The following EHBP1L1 variants were observed in gnomAD, a reference collection of about 807,000 sequenced individuals.
The protein encoded by EHBP1L1 is EH domain-binding protein 1-like protein 1.
A neutral mutation model predicts 151.1 loss-of-function variants in EHBP1L1; 122 were observed. That is an observed-to-expected ratio of 0.81 (90% confidence interval 0.70 to 0.94). The LOEUF (loss-of-function observed/expected upper bound fraction) is 0.94, where lower values mean the gene tolerates loss of function less well. Ranked by LOEUF, EHBP1L1 falls within the 40% of genes least tolerant of loss-of-function variation. EHBP1L1 has a pLI of 0.00. For missense variants in EHBP1L1, 1,941 were observed against 1,959.8 expected, an observed-to-expected ratio of 0.99 and a Z score of 0.18; for synonymous variants, 878 against 810.1, an observed-to-expected ratio of 1.08 and a Z score of -1.42.
chr11:65,592,350 C>T lies in EHBP1L1; in HGVS notation c.*48C>T. Reference sequence around the variant, plus strand: ...TAACTTCTCGCGTCCCCGGCGTCCGCCGCCGCCCCGGGCCTGCGCTGCGGA... The same window carrying T: ...TAACTTCTCGCGTCCCCGGCGTCCGTCGCCGCCCCGGGCCTGCGCTGCGGA... On this transcript the variant is annotated 3_prime_UTR_variant, in exon 19 of 19. Coordinates refer to ENST00000309295, the MANE Select transcript of EHBP1L1 (RefSeq NM_001099409.3). 1 of 1,312,130 alleles carries T rather than the reference C, an allele frequency of 7.6e-7. No homozygotes were observed. The highest frequency in any genetic ancestry group is 9.7e-7 in the Non-Finnish European group (1 of 1,030,890). 81.3% of individuals were successfully genotyped at this position (1,312,130 alleles called of 1,614,324 possible).
At position 65,582,093 on chromosome 11, in the gene EHBP1L1, C is replaced by T. The variant is rs1273810047; in HGVS notation, c.1421C>T (p.Ala474Val). The change falls in exon 9 of 19, where the codon GCT becomes GTT. Residue 474 changes from alanine to valine, a missense_variant. Transcript: ENST00000309295. Reference protein sequence around the residue: ...GRLGVRTRDEAPSGLSLPPAE... With the variant: ...GRLGVRTRDEVPSGLSLPPAE... ...CTGGGAGTCAGGACCAGGGATGAGG[C>T]TCCCTCAGGCCTGAGCCTGCCCCCA... 3 of 1,608,680 alleles carry T rather than the reference C, an allele frequency of 1.9e-6. No individual in the cohort carries two copies. The East Asian group carries it at 6.7e-5, about 36-fold the overall frequency.
rs1857812352 is a variant in EHBP1L1, at chr11:65,584,311, G to A, written c.3164G>A (p.Arg1055His). ...TGCCAGGAAGTCACCACTGGCTACC[G>A]TGGCGTCCGCATCACCAACTTCACC... Reference protein sequence around the residue: ...EWCQEVTTGYRGVRITNFTTS... With the variant: ...EWCQEVTTGYHGVRITNFTTS... Residue 1055 changes from arginine to histidine, a missense_variant, in exon 10 of 19, where the codon CGT (arginine) becomes CAT (histidine). Arg to His is a conservative substitution (Grantham distance 29). Transcript: ENST00000309295. The A allele has an allele frequency of 3.1e-6, 5 of 1,611,456 alleles. No homozygotes were observed. The East Asian group carries it at 8.9e-5, about 29-fold the overall frequency.
At chr11:65,584,815 A>G in intron 11 of EHBP1L1, 144 bp from the exon 12 acceptor site, 1 of 1,187,008 alleles carries the variant, frequency 8.4e-7, no homozygotes. Context: ...TTGTTGCTGG[A>G]TTTCCCTCGC....
intron 12 of EHBP1L1, among the ~76,000 whole-genome samples, chr11:65,589,380 A>T (rs1410575017): frequency 6.6e-6 from 1 of 152,120 alleles, no homozygotes. Flanking sequence ...CGACAGAGCG[A>T]ATCTCCATCT....
Position 65,581,074 on chromosome 11 carries a change from G to T in EHBP1L1, c.651G>T (p.Leu217=). Residue 217 remains leucine (L), a synonymous_variant, in exon 7 of 19, where the codon CTG becomes CTT. Transcript: ENST00000309295. ...CATTCCCAGATCCCTCTCGAGAGCT[G>T]AAGACGCTTTGTGAGGAGGAGGAGG... ...RVPQPDPSRE[L]KTLCEEEEEG... is the part of the protein sequence containing the mutation. The T allele has an allele frequency of 6.2e-7, 1 of 1,611,640 alleles. No individual in the cohort carries two copies. Among genetic ancestry groups the T allele is most frequent in the Non-Finnish European group, 8.5e-7 (1 of 1,179,050 alleles).
At position 65,581,539 on chromosome 11, in the gene EHBP1L1, G is replaced by A. The variant is rs765766005; in HGVS notation, c.867G>A (p.Arg289=). 1 of 1,491,962 alleles carries A rather than the reference G, an allele frequency of 6.7e-7. No homozygotes were observed. 92.4% of individuals were successfully genotyped at this position (1,491,962 alleles called of 1,614,324 possible). ...ACTCCCCCTCCTGCTCTCTTCTCAGGTCTTCAAGGCAGCCAGCCCAGGACA... is the reference window on the plus strand; with the variant it reads ...ACTCCCCCTCCTGCTCTCTTCTCAGATCTTCAAGGCAGCCAGCCCAGGACA... The part of the protein sequence containing the change: ...PRPPETSPEM[R]SSRQPAQDTA... The change falls in exon 9 of 19, where the codon AGG becomes AGA. Residue 289 remains arginine, a splice_region_variant and synonymous_variant. Coordinates refer to ENST00000309295, the MANE Select transcript of EHBP1L1 (RefSeq NM_001099409.3).
chr11:65,579,573 G>C (rs1857493711), intron 3 of EHBP1L1, 137 bp downstream of exon 3: 2 of 712,226 alleles, frequency 2.8e-6, no homozygotes, highest in Non-Finnish European at 2.2e-6. Flanking sequence ...AGGGGGGCCT[G>C]CTCAGCATCA....
intron 8 of EHBP1L1, 33 bp downstream of exon 8, chr11:65,581,406 C>A: frequency 6.7e-7 from 1 of 1,500,364 alleles, no homozygotes; most frequent in Non-Finnish European, 8.9e-7. Context: ...CCCCCCATTG[C>A]CCCCTGATAG....
chr11:65,584,566 A>G (rs1162822023), intron 11 of EHBP1L1, 32 bp downstream of exon 11: 5 of 1,602,892 alleles, frequency 3.1e-6, no homozygotes, highest in Non-Finnish European at 4.3e-6. Context: ...CCTGGAGGGA[A>G]GGAGGGTCTG....
chr11:65,587,263 C>T (rs1300361791), intron 12 of EHBP1L1, among the ~76,000 whole-genome samples: 3 of 152,024 alleles, frequency 2.0e-5, no homozygotes, highest in African/African-American at 7.3e-5. Flanking sequence ...GTCCCAGCTA[C>T]TCAGGAGGCT....
chr11:65,583,006 G>A lies in EHBP1L1; in HGVS notation c.2334G>A (p.Glu778=). ...AAEGAILGTQ[E]IASRDSGVPG... ...AAGGTGCGATATTGGGGACCCAAGA[G>A]ATAGCATCTAGGGATTCAGGGGTCC... Residue 778 remains glutamate, a synonymous_variant, in exon 9 of 19, where the codon GAG becomes GAA. Transcript: ENST00000309295. 6.2e-7 allele frequency: 1 copy of A among 1,613,122 alleles called. No individual in the cohort carries two copies. The highest frequency in any genetic ancestry group is 1.1e-5 in the South Asian group (1 of 91,058).
chr11:65,578,916 GGCCCCAGATAAGGGGCT>G (rs1368716134), intron 1 of EHBP1L1, among the ~76,000 whole-genome samples, 145 bp from the exon 2 acceptor site: 1 of 152,214 alleles, frequency 6.6e-6, no homozygotes, highest in East Asian at 1.9e-4. Flanking sequence ...TGCACCCTGT[GGCCCCAGATAAGGGGCT>G]GCCCAGGCCC....
At position 65,584,514 on chromosome 11, in the gene EHBP1L1, A is replaced by G; in HGVS notation, c.3280A>G (p.Ile1094Val). The change falls in exon 11 of 19, where the codon ATC (isoleucine) becomes GTC (valine). Residue 1094 changes from isoleucine (I) to valine (V), a missense_variant. Ile to Val is a conservative substitution (Grantham distance 29). Coordinates refer to ENST00000309295, the MANE Select transcript of EHBP1L1 (RefSeq NM_001099409.3). ...IDYASLDPLNIKQNNKQAFDG... is the reference protein window; with the variant it reads ...IDYASLDPLNVKQNNKQAFDG... ...CTATGCCTCGCTAGACCCACTCAACATCAAGCAGAACAACAAGCAGGTGAG... is the reference window on the plus strand; with the variant it reads ...CTATGCCTCGCTAGACCCACTCAACGTCAAGCAGAACAACAAGCAGGTGAG... The G allele has an allele frequency of 6.2e-7, 1 of 1,612,354 alleles. No homozygotes were observed. Among genetic ancestry groups the G allele is most frequent in the Non-Finnish European group, 8.5e-7 (1 of 1,179,466 alleles).
In EHBP1L1 at chr11:65,585,672, A is replaced by G. The variant is rs1301322879; in HGVS notation, c.3933+81A>G. On this transcript the variant is annotated intron_variant, in intron 12 of 18. Transcript: ENST00000309295. This position sits in a 1 kb window ranked among gnomAD's most constrained non-coding sequence, Gnocchi z 4.0. ...TGGGCAGAGAACGGGCGAGCCCCCA[A>G]GGGGCCCCAAGGACAGAGCTGGCGC... is the stretch of plus-strand genomic sequence containing the variant. 4 of 1,503,136 alleles carry G rather than the reference A, an allele frequency of 2.7e-6. No individual in the cohort carries two copies. The highest frequency in any genetic ancestry group is 1.2e-5 in the South Asian group (1 of 82,538). The allele number at this position is 1,503,136 out of a possible 1,614,324, so 93.1% of individuals were successfully genotyped here. A position where few individuals can be genotyped will look rare whatever the true frequency, so the allele number is the denominator to read the frequency against.
In EHBP1L1 at chr11:65,585,473, G is replaced by C; in HGVS notation, c.3815G>C (p.Gly1272Ala). ...PGSVPPPRAH[G>A]SFSHVRDADL... ...TCGGTGCCCCCGCCCCGCGCGCACG[G>C]CTCCTTCTCCCACGTGCGCGACGCG... The change falls in exon 12 of 19, where the codon GGC (glycine) becomes GCC (alanine). Residue 1272 changes from glycine (G) to alanine (A), a missense_variant. By Grantham distance (60) the Gly-to-Ala change is moderately conservative. Transcript: ENST00000309295. The surrounding 1 kb of genome is among the most constrained non-coding windows in gnomAD (Gnocchi z 4.0). 6.5e-7 allele frequency: 1 copy of C among 1,537,322 alleles called. No individual in the cohort carries two copies. Among genetic ancestry groups the C allele is most frequent in the Non-Finnish European group, 8.7e-7 (1 of 1,147,486 alleles).
intron 1 of EHBP1L1, among the ~76,000 whole-genome samples, chr11:65,576,655 G>A (rs1189546144): frequency 6.6e-6 from 1 of 152,196 alleles, no homozygotes. Context: ...GGTTCTGCCT[G>A]TGTCCACTCC....
At chr11:65,588,394 G>T (rs993418341) in intron 12 of EHBP1L1, among the ~76,000 whole-genome samples, 1 of 152,184 alleles carries the variant, frequency 6.6e-6, no homozygotes, top group Non-Finnish European at 1.5e-5. Context: ...GAGGCTGGGG[G>T]GCTGAGGAGA....
At chr11:65,592,133 A>G (rs1441494327) in intron 18 of EHBP1L1, 43 bp downstream of exon 18, 1 of 1,610,802 alleles carries the variant, frequency 6.2e-7, no homozygotes, top group South Asian at 1.1e-5. Flanking sequence ...AGGGTCCGGG[A>G]CTTGCTCCCG....
At position 65,585,522 on chromosome 11, in the gene EHBP1L1, G is replaced by A. The variant is rs1225707994; in HGVS notation, c.3864G>A (p.Ser1288=). The A allele has an allele frequency of 2.5e-6, 4 of 1,571,206 alleles. No individual in the cohort carries two copies. Among genetic ancestry groups the A allele is most frequent in the Non-Finnish European group, 2.6e-6 (3 of 1,165,964 alleles). The change falls in exon 12 of 19, where the codon TCG becomes TCA. Residue 1288 remains serine, a synonymous_variant. Transcript: ENST00000309295. This position sits in a 1 kb window ranked among gnomAD's most constrained non-coding sequence, Gnocchi z 4.0. The part of the protein sequence containing the change: ...RDADLLKKRR[S]RLRNSSSFSM... ...CGGACCTGCTCAAGAAGAGGCGCTC[G>A]CGGCTGCGGAACAGCAGCTCGTTCT... is the stretch of plus-strand genomic sequence containing the variant.
Sources: gnomAD v4.1 joint callset for allele counts (sites outside exome capture counted in the v4.1 genomes callset) on GRCh38, gnomAD v4.1.1 for gene constraint, Gnocchi (gnomAD v3.1) non-coding constraint, MANE v1.5 for transcripts, NCBI Gene and HGNC (gene_info 2026-07-23, HGNC 2026-07-21) for gene names.